Variants in RPS6KA3 observed in about 807,000 individuals in gnomAD.
RPS6KA3 encodes ribosomal protein S6 kinase A3.
In RPS6KA3, 4 loss-of-function variants were observed where a neutral mutation model predicts 67.2. The ratio of observed to expected loss-of-function variants is 0.06; its 90% CI spans 0.03 to 0.14. The LOEUF is 0.14. Among genes scored for constraint, RPS6KA3 ranks in the 10% least tolerant of loss-of-function variants. RPS6KA3 has a pLI of 1.00. For synonymous variants in RPS6KA3, 182 were observed against 183.7 expected (o/e 0.99, Z 0.07); for missense variants, 204 against 559.0 (o/e 0.36, Z 6.40).
At chrX:20,170,932 G>A (rs1017757902) in intron 15 of RPS6KA3, among the ~76,000 whole-genome samples, 2 of 109,346 alleles carry the variant, frequency 1.8e-5, no homozygotes, top group Non-Finnish European at 3.8e-5. Context: ...ATGTAGCCAC[G>A]CCTGGCTAAT....
rs759883785 is a variant in RPS6KA3 at position 20,201,204 on chromosome X, C to T, written c.325+2818G>A. 7.2e-5 allele frequency among the ~76,000 whole-genome samples: 8 copies of T among 111,728 alleles called. No individual in the cohort carries two copies. The South Asian group carries it at 3.0e-3, about 42-fold the overall frequency. On this transcript the variant is annotated intron_variant, in intron 4 of 21. Transcript: ENST00000379565. ...AGGCTGGAGTACAGTGGTGTGATCA[C>T]AGCTCACTGCAACCTCAAACTCCTG... is the stretch of plus-strand genomic sequence containing the variant.
chrX:20,240,466 C>T, intron 1 of RPS6KA3: 1 of 249,539 alleles, frequency 4.0e-6, no homozygotes, highest in Non-Finnish European at 5.6e-6. Flanking sequence ...GGTTAAGATA[C>T]CACCAAATTG....
chrX:20,201,976 CTTT>C (rs1282039865), intron 4 of RPS6KA3, among the ~76,000 whole-genome samples: 2 of 82,757 alleles, frequency 2.4e-5, no homozygotes, highest in African/African-American at 4.2e-5. Context: ...TTTCTTTTTT[CTTT>C]TTTTTTTTTT....
rs1468589800 is a variant in RPS6KA3, at chrX:20,256,177, AAAAAAAAAAAAAAAAAAAAAAAG to A, written c.69+10364_69+10386del. Among the ~76,000 whole-genome samples the A allele has an allele frequency of 3.9e-5, 4 of 101,742 alleles. No homozygotes were observed. The Admixed American group carries it at 4.3e-4, about 11-fold the overall frequency. 88.4% of individuals were successfully genotyped at this position (101,742 alleles called of 115,157 possible). A position where few individuals can be genotyped will look rare whatever the true frequency, so the allele number is the denominator to read the frequency against. ...GACAGAGTGAGACACCGTCTCAAAA[AAAAAAAAAAAAAAAAAAAAAAAG>A]AAAAAAAAAAGGAATTAATTAGGGC... On this transcript the variant is annotated intron_variant, in intron 1 of 21. Transcript: ENST00000379565.
chrX:20,201,976 C>CTTTTTTTTTT (rs1282039865), intron 4 of RPS6KA3, among the ~76,000 whole-genome samples: 3 of 82,761 alleles, frequency 3.6e-5, no homozygotes, highest in Non-Finnish European at 4.9e-5. Flanking sequence ...TTTCTTTTTT[C>CTTTTTTTTTT]TTTTTTTTTT....
intron 2 of RPS6KA3, among the ~76,000 whole-genome samples, chrX:20,226,005 G>A (rs192104338): frequency 9.0e-6 from 1 of 110,528 alleles, no homozygotes; most frequent in Admixed American, 9.7e-5. Context: ...GACCAACACA[G>A]TAAAACCCCA....
intron 4 of RPS6KA3, among the ~76,000 whole-genome samples, chrX:20,195,650 G>GGA (rs2068252669): frequency 8.9e-6 from 1 of 112,011 alleles, no homozygotes; most frequent in South Asian, 3.7e-4. Flanking sequence ...GAAGCAAGAG[G>GGA]GAGAGAGAGA....
At chrX:20,233,470 G>A (rs985202328) in intron 2 of RPS6KA3, among the ~76,000 whole-genome samples, 1 of 111,088 alleles carries the variant, frequency 9.0e-6, no homozygotes, top group Non-Finnish European at 1.9e-5. Flanking sequence ...TGGGCATGGC[G>A]GCTAACACCT....
chrX:20,229,057 G>A (rs2069193150), intron 2 of RPS6KA3, among the ~76,000 whole-genome samples: 1 of 110,996 alleles, frequency 9.0e-6, no homozygotes, highest in African/African-American at 3.3e-5. Flanking sequence ...GTTAGAATAT[G>A]GACTAAGCTA....
rs1478154715 is a variant in RPS6KA3, at chrX:20,192,979, T to TA, written c.593+507dup. Among the ~76,000 whole-genome samples, 6 of 111,597 alleles carry TA rather than the reference T, an allele frequency of 5.4e-5. No homozygotes were observed. The East Asian group carries it at 1.4e-3, about 26-fold the overall frequency. ...CAATGAATGCAGATTTCAACCTCAT[T>TA]AAAAAATCAAAGAATGGGATGGCTG... On this transcript the variant is annotated intron_variant, in intron 7 of 21. Coordinates refer to ENST00000379565, the MANE Select transcript of RPS6KA3 (RefSeq NM_004586.3).
intron 1 of RPS6KA3, among the ~76,000 whole-genome samples, chrX:20,248,513 T>C (rs2069765964): frequency 9.0e-6 from 1 of 111,383 alleles, no homozygotes; most frequent in South Asian, 3.8e-4. Context: ...AGAGTCTCGC[T>C]CTGTCGCCCA....
At chrX:20,169,548 T>C in intron 15 of RPS6KA3, 57 bp from the exon 16 acceptor site, 1 of 705,450 alleles carries the variant, frequency 1.4e-6, no homozygotes, top group Non-Finnish European at 2.3e-6. Flanking sequence ...TAAACATTAA[T>C]TGTTTATAGC....
chrX:20,191,637 C>T (rs1206876074), intron 7 of RPS6KA3, among the ~76,000 whole-genome samples: 2 of 98,152 alleles, frequency 2.0e-5, no homozygotes, highest in Non-Finnish European at 4.0e-5. Flanking sequence ...ATGAGCTTTT[C>T]TTTCATATGT....
intron 16 of RPS6KA3, among the ~76,000 whole-genome samples, 178 bp from the exon 17 acceptor site, chrX:20,167,925 G>A (rs2067481021): frequency 8.9e-6 from 1 of 112,501 alleles, no homozygotes; most frequent in African/African-American, 3.2e-5. Context: ...TTGGCTCACT[G>A]CAATATCCAC....
rs1189477103 is a variant in RPS6KA3 at position 20,266,582 on chromosome X, G to A, written c.51C>T (p.Ser17=). The change falls in exon 1 of 22, where the codon AGC becomes AGT. Residue 17 remains serine (S), a synonymous_variant. Coordinates refer to ENST00000379565, the MANE Select transcript of RPS6KA3 (RefSeq NM_004586.3). ...CACTCACCTCAGCGCTGTCGGACGGGCTCTCCACAGCCATCTTCTGCCACG... is the reference window on the plus strand; with the variant it reads ...CACTCACCTCAGCGCTGTCGGACGGACTCTCCACAGCCATCTTCTGCCACG... The part of the protein sequence containing the change: ...ADPWQKMAVE[S]PSDSAENGQQ... The A allele has an allele frequency of 3.0e-5, 35 of 1,150,062 alleles. No homozygotes were observed. Among genetic ancestry groups the A allele is most frequent in the Non-Finnish European group, 3.9e-5 (34 of 867,257 alleles). The allele number at this position is 1,150,062 out of a possible 1,213,427, so 94.8% of individuals were successfully genotyped here. A position where few individuals can be genotyped will look rare whatever the true frequency, so the allele number is the denominator to read the frequency against.
intron 7 of RPS6KA3, among the ~76,000 whole-genome samples, chrX:20,189,754 CTTTTA>C (rs1212769385): frequency 1.8e-5 from 2 of 112,283 alleles, no homozygotes; most frequent in East Asian, 2.8e-4. Context: ...CATTTCCTTA[CTTTTA>C]TTTTAACTAA....
chrX:20,246,476 T>C (rs962875235), intron 1 of RPS6KA3, among the ~76,000 whole-genome samples: 1 of 111,423 alleles, frequency 9.0e-6, no homozygotes, highest in African/African-American at 3.3e-5. Flanking sequence ...ATCTGAGTTC[T>C]GGATAACCCT....
In RPS6KA3 at chrX:20,213,955, C is replaced by T. The variant is rs59220250; in HGVS notation, c.127-4551G>A. On this transcript the variant is annotated intron_variant, in intron 2 of 21. Transcript: ENST00000379565. ...AATCTGAGGGGACTTAAAAAAAAAACAAAACTTCATTAAATGTTTAAATTC... is the reference window on the plus strand; with the variant it reads ...AATCTGAGGGGACTTAAAAAAAAAATAAAACTTCATTAAATGTTTAAATTC... Among the ~76,000 whole-genome samples, 572 of 109,534 alleles carry T rather than the reference C, an allele frequency of 5.2e-3. 8 individuals carry two copies. The highest frequency in any genetic ancestry group is 0.018 in the African/African-American group (543 of 30,032).
intron 10 of RPS6KA3, among the ~76,000 whole-genome samples, chrX:20,180,924 G>C (rs1762487895): frequency 8.9e-6 from 1 of 112,296 alleles, no homozygotes; most frequent in African/African-American, 3.2e-5. Flanking sequence ...GAAAAACAGG[G>C]ATAGATAACA....
Sources: gnomAD v4.1 joint callset for allele counts (sites outside exome capture counted in the v4.1 genomes callset) on GRCh38, gnomAD v4.1.1 for gene constraint, MANE v1.5 for transcripts, NCBI Gene and HGNC (gene_info 2026-07-23, HGNC 2026-07-21) for gene names.